Variants in SLC26A2 observed in about 807,000 individuals in gnomAD.
The protein encoded by SLC26A2 is solute carrier family 26 member 2.
In SLC26A2, 36 loss-of-function variants were observed where a neutral mutation model predicts 41.1. The ratio of observed to expected loss-of-function variants is 0.88; its 90% CI spans 0.67 to 1.16. The LOEUF (loss-of-function observed/expected upper bound fraction) is 1.16. SLC26A2 is among the 50% of genes most tolerant of loss of function. The pLI is 0.00. For missense variants in SLC26A2, 796 were observed against 869.6 expected, an observed-to-expected ratio of 0.92 and a Z score of 1.07; for synonymous variants, 291 against 311.6, an observed-to-expected ratio of 0.93 and a Z score of 0.70.
rs768874273 is a variant in SLC26A2 at position 149,980,666 on chromosome 5, C to A, written c.1073C>A (p.Ser358Tyr). ...HFGKLHENYNSSIAGHIPTGF... is the reference protein window; with the variant it reads ...HFGKLHENYNYSIAGHIPTGF... ...GGAAAACTACATGAAAATTATAATT[C>A]TAGTATTGCTGGACATATTCCCACT... Residue 358 changes from serine (S) to tyrosine (Y), a missense_variant, in exon 3 of 3, where the codon TCT becomes TAT. Coordinates refer to ENST00000286298, the MANE Select transcript of SLC26A2 (RefSeq NM_000112.4). 9 of 1,613,972 alleles carry A rather than the reference C, an allele frequency of 5.6e-6. No individual in the cohort carries two copies. The highest frequency in any genetic ancestry group is 7.6e-6 in the Non-Finnish European group (9 of 1,179,904).
At position 149,986,268 on chromosome 5, in the gene SLC26A2, G is replaced by A. The variant is rs1441878022; in HGVS notation, c.*4455G>A. On this transcript the variant is annotated 3_prime_UTR_variant, in exon 3 of 3. Coordinates refer to ENST00000286298, the MANE Select transcript of SLC26A2 (RefSeq NM_000112.4). ...TAGAAAGCTGTTAGGCTCCTAATTC[G>A]TGGGGTTTTTTTTTGTAAAAACAGT... The A allele has an allele frequency of 3.3e-5, 4 of 120,572 alleles. No individual in the cohort carries two copies. Among genetic ancestry groups the A allele is most frequent in the East Asian group, 2.3e-4 (1 of 4,364 alleles). 7.5% of individuals were successfully genotyped at this position (120,572 alleles called of 1,614,324 possible).
At position 149,979,643 on chromosome 5, in the gene SLC26A2, C is replaced by A. The variant is rs78281076; in HGVS notation, c.700-650C>A. On this transcript the variant is annotated intron_variant, in intron 2 of 2. Coordinates refer to ENST00000286298, the MANE Select transcript of SLC26A2 (RefSeq NM_000112.4). ...AGGAAAATATAAAGAAGTAAAAATG[C>A]AGAATTTTTATTAATATGGGAGACA... is the stretch of plus-strand genomic sequence containing the variant. Among the ~76,000 whole-genome samples the A allele has an allele frequency of 3.6e-3, 546 of 152,048 alleles. 5 individuals carry two copies. The highest frequency in any genetic ancestry group is 0.013 in the African/African-American group (521 of 41,480).
chr5:149,962,282 C>T (rs1223343827), intron 1 of SLC26A2: 1 of 151,844 alleles, frequency 6.6e-6, no homozygotes, highest in East Asian at 1.9e-4. Flanking sequence ...GGTGAACATA[C>T]TCTGGGCTAG....
intron 1 of SLC26A2, among the ~76,000 whole-genome samples, chr5:149,969,272 T>A (rs1273544522): frequency 6.6e-6 from 1 of 152,212 alleles, no homozygotes; most frequent in Admixed American, 6.5e-5. Context: ...ATAAAGCACA[T>A]ATTCAACAAA....
At chr5:149,963,355 T>C (rs939671149) in intron 1 of SLC26A2, among the ~76,000 whole-genome samples, 1 of 151,856 alleles carries the variant, frequency 6.6e-6, no homozygotes, top group East Asian at 1.9e-4. Flanking sequence ...CTTGGCTCAC[T>C]GCAACCTCTG....
At chr5:149,965,023 T>A (rs1332337095) in intron 1 of SLC26A2, among the ~76,000 whole-genome samples, 1 of 152,242 alleles carries the variant, frequency 6.6e-6, no homozygotes, top group African/African-American at 2.4e-5. Context: ...GTTAACATCT[T>A]ATGAACTGTA....
intron 2 of SLC26A2, 76 bp from the exon 3 acceptor site, chr5:149,980,217 A>G (rs918148945): frequency 8.5e-7 from 1 of 1,173,922 alleles, no homozygotes; most frequent in Non-Finnish European, 1.3e-6. Context: ...GTCTCCATGC[A>G]AGAAATGTCA....
chr5:149,974,703 G>A (rs1754962281), intron 1 of SLC26A2, among the ~76,000 whole-genome samples: 1 of 146,482 alleles, frequency 6.8e-6, no homozygotes, highest in Non-Finnish European at 1.5e-5. Context: ...AATTACAGGT[G>A]TGAGCCACTG....
chr5:149,976,967 A>G (rs1192957868), intron 1 of SLC26A2, among the ~76,000 whole-genome samples: 1 of 152,152 alleles, frequency 6.6e-6, no homozygotes, highest in East Asian at 1.9e-4. Flanking sequence ...CATGCCCTTT[A>G]CATTCAGCAC....
intron 1 of SLC26A2, 32 bp from the exon 2 acceptor site, chr5:149,977,596 A>G: frequency 9.1e-7 from 1 of 1,103,032 alleles, no homozygotes; most frequent in Admixed American, 1.7e-5. Flanking sequence ...GAATTACTTT[A>G]TTGATGAACA....
intron 2 of SLC26A2, among the ~76,000 whole-genome samples, chr5:149,978,853 AATTTTATTTT>A (rs567761507): frequency 8.6e-5 from 13 of 151,912 alleles, no homozygotes; most frequent in East Asian, 1.9e-4. Flanking sequence ...ACACCTGGCT[AATTTTATTTT>A]ATTTTATTTT....
At chr5:149,962,105 AG>A (rs1581224106) in intron 1 of SLC26A2, 1 of 152,338 alleles carries the variant, frequency 6.6e-6, no homozygotes, top group East Asian at 1.9e-4. Flanking sequence ...GAACACATCC[AG>A]TGATTCTCCA....
chr5:149,975,232 T>C (rs1202686714), intron 1 of SLC26A2, among the ~76,000 whole-genome samples: 1 of 152,192 alleles, frequency 6.6e-6, no homozygotes, highest in Non-Finnish European at 1.5e-5. Context: ...CGATTCTTTC[T>C]TTGGCTTTCA....
chr5:149,964,573 C>T (rs1168741442), intron 1 of SLC26A2, among the ~76,000 whole-genome samples: 3 of 151,798 alleles, frequency 2.0e-5, no homozygotes, highest in Non-Finnish European at 4.4e-5. Context: ...GTCAGGAGCT[C>T]GAGACCATCC....
Position 149,985,086 on chromosome 5 carries a change from C to G in SLC26A2, c.*3273C>G, listed in dbSNP as rs1355624190. 2 of 152,158 alleles carry G rather than the reference C, an allele frequency of 1.3e-5. No individual in the cohort carries two copies. Among genetic ancestry groups the G allele is most frequent in the Admixed American group, 6.5e-5 (1 of 15,280 alleles). 9.4% of individuals were successfully genotyped at this position (152,158 alleles called of 1,614,324 possible). The stretch of plus-strand genomic sequence containing the variant: ...TAGCCTCTACACAATAATAGGGAGA[C>G]AAGGATTAGGAGCCATACCTCCCAG... On this transcript the variant is annotated 3_prime_UTR_variant, in exon 3 of 3. Transcript: ENST00000286298.
chr5:149,964,621 C>CA (rs1357449564), intron 1 of SLC26A2, among the ~76,000 whole-genome samples: 1 of 151,752 alleles, frequency 6.6e-6, no homozygotes, highest in Non-Finnish European at 1.5e-5. Context: ...ACTAAAAATA[C>CA]AAAAAATTAG....
intron 1 of SLC26A2, among the ~76,000 whole-genome samples, chr5:149,962,889 G>A (rs1338083612): frequency 2.0e-5 from 3 of 152,138 alleles, no homozygotes; most frequent in African/African-American, 4.8e-5. Context: ...TTAGGTGCAA[G>A]ACATGTTCAA....
At chr5:149,967,344 A>C (rs1754822983) in intron 1 of SLC26A2, among the ~76,000 whole-genome samples, 1 of 152,218 alleles carries the variant, frequency 6.6e-6, no homozygotes, top group African/African-American at 2.4e-5. Flanking sequence ...CAAGATAGTG[A>C]ACATATCCAT....
At position 149,980,679 on chromosome 5, in the gene SLC26A2, A is replaced by G. The variant is rs1270706723; in HGVS notation, c.1086A>G (p.Gly362=). The change falls in exon 3 of 3, where the codon GGA becomes GGG. Residue 362 remains glycine, a synonymous_variant. Coordinates refer to ENST00000286298, the MANE Select transcript of SLC26A2 (RefSeq NM_000112.4). ...AAAATTATAATTCTAGTATTGCTGG[A>G]CATATTCCCACTGGGTTTATGCCAC... ...LHENYNSSIA[G]HIPTGFMPPK... is the part of the protein sequence containing the mutation. The G allele has an allele frequency of 1.9e-6, 3 of 1,614,052 alleles. No homozygotes were observed. Among genetic ancestry groups the G allele is most frequent in the Non-Finnish European group, 2.5e-6 (3 of 1,179,956 alleles).
Sources: gnomAD v4.1 joint callset for allele counts (sites outside exome capture counted in the v4.1 genomes callset) on GRCh38, gnomAD v4.1.1 for gene constraint, MANE v1.5 for transcripts, NCBI Gene and HGNC (gene_info 2026-07-23, HGNC 2026-07-21) for gene names.